Variants in MIER1 observed in about 807,000 individuals in gnomAD.
The protein encoded by MIER1 is MIER1 transcriptional regulator.
In MIER1, 40 loss-of-function variants were observed where a neutral mutation model predicts 75.7. The ratio of observed to expected loss-of-function variants is 0.53; its 90% CI spans 0.41 to 0.69. The LOEUF is 0.69. MIER1 is among the 30% of genes least tolerant of loss of function. The pLI is 0.00. For synonymous variants in MIER1, 213 were observed against 223.4 expected, an observed-to-expected ratio of 0.95 and a Z score of 0.42; for missense variants, 574 against 680.2, an observed-to-expected ratio of 0.84 and a Z score of 1.74.
At chr1:66,971,226 CTG>C (rs1479483256) in intron 9 of MIER1, among the ~76,000 whole-genome samples, 1 of 152,094 alleles carries the variant, frequency 6.6e-6, no homozygotes, top group Non-Finnish European at 1.5e-5. Flanking sequence ...CCCTAAGAAT[CTG>C]TGTATATCAA....
At chr1:66,951,663 T>C (rs1305028523) in intron 4 of MIER1, among the ~76,000 whole-genome samples, 2 of 152,158 alleles carry the variant, frequency 1.3e-5, no homozygotes, top group African/African-American at 2.4e-5. Context: ...TCAAGCATCC[T>C]TAACTTCCTG....
chr1:66,976,569 TAAAAGC>T lies in MIER1; in HGVS notation c.1102-23_1102-18del. The T allele has an allele frequency of 6.5e-7, 1 of 1,527,964 alleles. No homozygotes were observed. The highest frequency in any genetic ancestry group is 1.6e-5 in the African/African-American group (1 of 62,792). 94.7% of individuals were successfully genotyped at this position (1,527,964 alleles called of 1,614,324 possible). A position where few individuals can be genotyped will look rare whatever the true frequency, so the allele number is the denominator to read the frequency against. On this transcript the variant is annotated intron_variant, in intron 11 of 13. Transcript: ENST00000401041. ...GTAACTTTGTTAAAAAGGAGATTCT[TAAAAGC>T]AAGCATTTGTTTCTTACAGGTCCGA...
Position 66,985,577 on chromosome 1 carries a change from T to C in MIER1, c.*677T>C. On this transcript the variant is annotated 3_prime_UTR_variant, in exon 14 of 14. Coordinates refer to ENST00000401041, the MANE Select transcript of MIER1 (RefSeq NM_001077700.3). ...ATTTTTCCAGATTCTTTGTAGCCTT[T>C]GAAAGATTTTTACAGTACATATGTC... The C allele has an allele frequency of 1.0e-6, 1 of 985,384 alleles. No individual in the cohort carries two copies. The highest frequency in any genetic ancestry group is 1.2e-6 in the Non-Finnish European group (1 of 829,776). The allele number at this position is 985,384 out of a possible 1,614,324, so 61.0% of individuals were successfully genotyped here.
chr1:66,958,159 A>T lies in MIER1; in HGVS notation c.440A>T (p.Glu147Val), dbSNP rs979443780. Reference protein sequence around the residue: ...EDEEEEEEEEEGEDDEDADND... With the variant: ...EDEEEEEEEEVGEDDEDADND... ...GAGGAAGAGGAAGAAGAGGAAGAAG[A>T]AGGTGAAGATGATGAAGATGCTGAT... The change falls in exon 5 of 14, where the codon GAA becomes GTA. Residue 147 changes from glutamate to valine, a missense_variant. Glu to Val is a moderately radical substitution (Grantham distance 121, BLOSUM62 -2). Transcript: ENST00000401041. The T allele has an allele frequency of 1.2e-6, 2 of 1,602,978 alleles. No individual in the cohort carries two copies. The highest frequency in any genetic ancestry group is 1.7e-6 in the Non-Finnish European group (2 of 1,170,142).
At chr1:66,941,845 T>C (rs1170373467) in intron 3 of MIER1, among the ~76,000 whole-genome samples, 2 of 152,000 alleles carry the variant, frequency 1.3e-5, no homozygotes, top group Non-Finnish European at 2.9e-5. Flanking sequence ...TGGCACATGC[T>C]TGTAATCCCA....
rs181788273 is a variant in MIER1 at position 66,973,007 on chromosome 1, C to T, written c.1101+16C>T. 2.8e-5 allele frequency: 40 copies of T among 1,443,826 alleles called. No individual in the cohort carries two copies. Among genetic ancestry groups the T allele is most frequent in the Non-Finnish European group, 3.7e-5 (38 of 1,029,332 alleles). The allele number at this position is 1,443,826 out of a possible 1,614,324, so 89.4% of individuals were successfully genotyped here. A position where few individuals can be genotyped will look rare whatever the true frequency, so the allele number is the denominator to read the frequency against. ...GGCTAATAAAGTAAGTAATGATAAT[C>T]TCTTTTTTGCAAAAAGAAATTTAGT... On this transcript the variant is annotated intron_variant, in intron 11 of 13. Coordinates refer to ENST00000401041, the MANE Select transcript of MIER1 (RefSeq NM_001077700.3).
chr1:66,957,316 C>T (rs1043810518), intron 4 of MIER1, among the ~76,000 whole-genome samples: 10 of 152,072 alleles, frequency 6.6e-5, no homozygotes, highest in African/African-American at 1.9e-4. Flanking sequence ...GCCCAAGGCA[C>T]CATGGTGTAT....
rs117523485 is a variant in MIER1 at position 66,927,031 on chromosome 1, A to G, written c.168+789A>G. ...AAGAAGTTTGTTCATTGGTTCGTTT[A>G]AGGTACTGGTTGAAGTAAGATTGTG... is the stretch of plus-strand genomic sequence containing the variant. On this transcript the variant is annotated intron_variant, in intron 2 of 13. Transcript: ENST00000401041. Among the ~76,000 whole-genome samples the G allele has an allele frequency of 4.0e-3, 611 of 152,286 alleles. 14 individuals are homozygous for G. The highest frequency in any genetic ancestry group is 0.038 in the East Asian group (197 of 5,192).
intron 8 of MIER1, among the ~76,000 whole-genome samples, chr1:66,964,530 G>A (rs1313786229): frequency 6.9e-6 from 1 of 145,550 alleles, no homozygotes; most frequent in Non-Finnish European, 1.5e-5. Flanking sequence ...TCGGCTCACT[G>A]CAACTTTCGC....
At chr1:66,972,852 A>T (rs12131222) in intron 10 of MIER1, 45 bp from the exon 11 acceptor site, 231,465 of 982,136 alleles carry the variant, frequency 0.24, 29,295 homozygotes, top group Non-Finnish European at 0.26. Flanking sequence ...ATATGCAATA[A>T]TTGGGGGAAT....
chr1:66,934,491 A>G (rs1333535291), intron 2 of MIER1, among the ~76,000 whole-genome samples: 2 of 150,628 alleles, frequency 1.3e-5, no homozygotes, highest in Non-Finnish European at 3.0e-5. Context: ...TACAACCTCA[A>G]ACTCCTGGGC....
chr1:66,925,070 T>TGGCGGCGGCAGCAGC lies in MIER1; in HGVS notation c.46_60dup (p.Gly16_Gly20dup). The TGGCGGCGGCAGCAGC allele has an allele frequency of 3.2e-6, 5 of 1,547,568 alleles. No homozygotes were observed. The highest frequency in any genetic ancestry group is 4.4e-6 in the Non-Finnish European group (5 of 1,145,752). Reference sequence around the variant, plus strand: ...CAGGCGGTGGCGGCAGCAGCGAAGGTGGCGGCGGCAGCAGCGGCAGCGGCT... The same window carrying TGGCGGCGGCAGCAGC: ...CAGGCGGTGGCGGCAGCAGCGAAGGTGGCGGCGGCAGCAGCGGCGGCGGCAGCAGCGGCAGCGGCT... On this transcript the variant is annotated inframe_insertion, in exon 1 of 14. Coordinates refer to ENST00000401041, the MANE Select transcript of MIER1 (RefSeq NM_001077700.3).
chr1:66,955,091 C>A (rs1323285655), intron 4 of MIER1, among the ~76,000 whole-genome samples: 1 of 152,176 alleles, frequency 6.6e-6, no homozygotes, highest in African/African-American at 2.4e-5. Flanking sequence ...GATTGTCAGA[C>A]ATTCTACATT....
rs2102154132 is a variant in MIER1, at chr1:66,985,742, T to G, written c.*842T>G. The G allele has an allele frequency of 2.0e-6, 2 of 980,196 alleles. No individual in the cohort carries two copies. The highest frequency in any genetic ancestry group is 2.4e-6 in the Non-Finnish European group (2 of 825,258). 60.7% of individuals were successfully genotyped at this position (980,196 alleles called of 1,614,324 possible). On this transcript the variant is annotated 3_prime_UTR_variant, in exon 14 of 14. Coordinates refer to ENST00000401041, the MANE Select transcript of MIER1 (RefSeq NM_001077700.3). Reference sequence around the variant, plus strand: ...TTTGCTAAGGTTTTTCTAATGAATTTTTAAGTGTTTGTGTAGTAATTAAGT... The same window carrying G: ...TTTGCTAAGGTTTTTCTAATGAATTGTTAAGTGTTTGTGTAGTAATTAAGT...
chr1:66,925,305 C>T lies in MIER1; in HGVS notation c.67+210C>T, dbSNP rs1326945693. On this transcript the variant is annotated intron_variant, in intron 1 of 13. Transcript: ENST00000401041. ...CAAAGGCGCATGCGCAGCTTCCTCC[C>T]TCTGGCCATCGACTGCCTCCCAGCG... The T allele has an allele frequency of 9.1e-6, 9 of 985,274 alleles. No homozygotes were observed. In the South Asian group the frequency reaches 1.4e-4, roughly 15 times the overall value. 61.0% of individuals were successfully genotyped at this position (985,274 alleles called of 1,614,324 possible). A position where few individuals can be genotyped will look rare whatever the true frequency, so the allele number is the denominator to read the frequency against.
At chr1:66,952,764 C>T (rs1452193330) in intron 4 of MIER1, among the ~76,000 whole-genome samples, 4 of 152,194 alleles carry the variant, frequency 2.6e-5, no homozygotes, top group Non-Finnish European at 5.9e-5. Context: ...GCCTCAGCCC[C>T]CCTAGTAGCT....
At position 66,926,167 on chromosome 1, in the gene MIER1, G is replaced by C. The variant is rs1266187829; in HGVS notation, c.93G>C (p.Gln31His). 4 of 1,613,902 alleles carry C rather than the reference G, an allele frequency of 2.5e-6. No individual in the cohort carries two copies. In the Admixed American group the frequency reaches 5.0e-5, roughly 20 times the overall value. ...ATGGTGTGGTCGCTCGATTCTCCCA[G>C]TGCCTGGCTGAGTTTCGGACGTGGT... ...SGYGVVARFS[Q>H]CLAEFRTWLR... The change falls in exon 2 of 14, where the codon CAG (glutamine) becomes CAC (histidine). Residue 31 changes from glutamine to histidine, a missense_variant. Coordinates refer to ENST00000401041, the MANE Select transcript of MIER1 (RefSeq NM_001077700.3).
At chr1:66,928,683 C>T (rs1402208874) in intron 2 of MIER1, among the ~76,000 whole-genome samples, 2 of 152,168 alleles carry the variant, frequency 1.3e-5, no homozygotes, top group African/African-American at 4.8e-5. Context: ...AGAGGATTGA[C>T]ATAATTCAAC....
At chr1:66,981,946 T>C (rs1180249298) in intron 13 of MIER1, 28 bp downstream of exon 13, 1 of 1,610,442 alleles carries the variant, frequency 6.2e-7, no homozygotes, top group Non-Finnish European at 8.5e-7. Context: ...CATTTCTCTT[T>C]CTTCATAATA....
Sources: allele counts gnomAD v4.1 joint callset (sites outside exome capture counted in the v4.1 genomes callset), GRCh38; gene constraint gnomAD v4.1.1; transcripts MANE v1.5; gene names NCBI Gene and HGNC (gene_info 2026-07-23, HGNC 2026-07-21).